The following PALD1 variants were observed in gnomAD, a reference collection of about 807,000 sequenced individuals.
PALD1 encodes the protein phosphatase domain containing paladin 1.
Under a neutral mutation model 96.0 loss-of-function variants are expected in PALD1, and 57 were observed. That is an observed-to-expected ratio of 0.59 (90% CI 0.48 to 0.74). The LOEUF (loss-of-function observed/expected upper bound fraction) is 0.74. Among genes scored for constraint, PALD1 ranks in the 30% least tolerant of loss-of-function variants. The probability of loss-of-function intolerance (pLI) is 0.00; values close to 1 mark genes in which losing one functional copy is unlikely to be tolerated. For missense variants in PALD1, 1,063 were observed against 1,143.7 expected, an observed-to-expected ratio of 0.93 and a Z score of 1.02; for synonymous variants, 464 against 473.6, an observed-to-expected ratio of 0.98 and a Z score of 0.26.
rs1371318557 is a variant in PALD1, at chr10:70,540,690, T to C, written c.1909-412T>C. Among the ~76,000 whole-genome samples, 1 of 152,146 alleles carries C rather than the reference T, an allele frequency of 6.6e-6. No individual in the cohort carries two copies. The highest frequency in any genetic ancestry group is 1.5e-5 in the Non-Finnish European group (1 of 68,018). The stretch of plus-strand genomic sequence containing the variant: ...CTGGTGGCCTTGTGCTGCAGGGCTC[T>C]TCTGAGGTCAGGCCCCCGTCCATGG... On this transcript the variant is annotated intron_variant, in intron 15 of 19. Transcript: ENST00000263563. The surrounding 1 kb of genome is among the most constrained non-coding windows in gnomAD (Gnocchi z 4.2).
At chr10:70,471,008 CG>C in the PALD1 span, among the ~76,000 whole-genome samples, 3 of 151,004 alleles carry the variant, frequency 2.0e-5, no homozygotes, top group Non-Finnish European at 4.4e-5. Flanking sequence ...TTAGTAGAGA[CG>C]GGGTTTCACC....
At chr10:70,488,117 A>C (rs1846041716) in intron 1 of PALD1, among the ~76,000 whole-genome samples, 3 of 118,718 alleles carry the variant, frequency 2.5e-5, no homozygotes, top group Admixed American at 2.0e-4. Flanking sequence ...AATAGTTTAA[A>C]ATTTCTCTCT....
chr10:70,504,221 A>G (rs967838621), intron 1 of PALD1, among the ~76,000 whole-genome samples: 4 of 152,268 alleles, frequency 2.6e-5, no homozygotes, highest in African/African-American at 9.6e-5. Context: ...AAATTGAAAC[A>G]GTATATTTAA....
intron 1 of PALD1, among the ~76,000 whole-genome samples, chr10:70,486,620 G>A (rs922437148): frequency 1.2e-4 from 19 of 152,110 alleles, no homozygotes; most frequent in African/African-American, 4.6e-4. Context: ...AATTAGCCAG[G>A]TGTGGTGGTG....
At chr10:70,463,399 CA>C in the PALD1 span, among the ~76,000 whole-genome samples, 158 of 149,442 alleles carry the variant, frequency 1.1e-3, no homozygotes, top group East Asian at 9.0e-3. Context: ...GACTCCGTCT[CA>C]AAAAAAAAGA....
upstream of PALD1, among the ~76,000 whole-genome samples, chr10:70,478,072 C>T (rs1002025598): frequency 1.3e-5 from 2 of 151,078 alleles, no homozygotes; most frequent in Admixed American, 6.6e-5. Context: ...TGGTGCGGGT[C>T]ACTGCCTGGA....
chr10:70,513,104 A>G (rs997711991), intron 1 of PALD1, among the ~76,000 whole-genome samples: 1 of 152,230 alleles, frequency 6.6e-6, no homozygotes, highest in African/African-American at 2.4e-5. Context: ...TCCATGGAGC[A>G]CTTCTCATAA....
intron 1 of PALD1, among the ~76,000 whole-genome samples, chr10:70,507,484 G>A (rs1248668958): frequency 6.6e-6 from 1 of 152,200 alleles, no homozygotes; most frequent in Non-Finnish European, 1.5e-5. Context: ...GAGTGCAGTG[G>A]TGCGATCACA....
chr10:70,559,683 C>T (rs979454550), intron 18 of PALD1, among the ~76,000 whole-genome samples: 1 of 152,046 alleles, frequency 6.6e-6, no homozygotes, highest in Non-Finnish European at 1.5e-5. Flanking sequence ...GGAGGAGTCC[C>T]GGGTTCTGGC....
chr10:70,548,225 A>G (rs1414100685), intron 18 of PALD1, among the ~76,000 whole-genome samples: 1 of 152,062 alleles, frequency 6.6e-6, no homozygotes, highest in East Asian at 1.9e-4. Flanking sequence ...GAATTGCTTG[A>G]ACCCGGGAGG....
chr10:70,458,810 A>G, the PALD1 span, among the ~76,000 whole-genome samples: 36 of 152,202 alleles, frequency 2.4e-4, no homozygotes, highest in Non-Finnish European at 4.6e-4. Context: ...GCTTCTGTCC[A>G]GTGGCCTCAT....
the PALD1 span, among the ~76,000 whole-genome samples, chr10:70,470,151 G>A: frequency 6.6e-6 from 1 of 152,168 alleles, no homozygotes; most frequent in African/African-American, 2.4e-5. Flanking sequence ...ATGGCAGAAG[G>A]GGTGAATGGT....
intron 12 of PALD1, 90 bp from the exon 13 acceptor site, chr10:70,538,802 C>G (rs1475352241): frequency 1.8e-6 from 2 of 1,082,720 alleles, no homozygotes; most frequent in African/African-American, 3.1e-5. Context: ...GGGTTCCACC[C>G]CACCCCCCGT....
chr10:70,522,536 C>T (rs371254014), intron 1 of PALD1, among the ~76,000 whole-genome samples: 1 of 152,168 alleles, frequency 6.6e-6, no homozygotes, highest in Non-Finnish European at 1.5e-5. Flanking sequence ...TGCAATGTGG[C>T]GTGAAAATGG....
In PALD1 at chr10:70,499,452, G is replaced by A. The variant is rs1021270781; in HGVS notation, c.-30+20393G>A. On this transcript the variant is annotated intron_variant, in intron 1 of 19. Transcript: ENST00000263563. Reference sequence around the variant, plus strand: ...AGTGTCTGCAGGGAGGTGGGCCTCAGAGCCCGCAGTGTGAGGCTGGCAGGG... The same window carrying A: ...AGTGTCTGCAGGGAGGTGGGCCTCAAAGCCCGCAGTGTGAGGCTGGCAGGG... 3.3e-5 allele frequency among the ~76,000 whole-genome samples: 5 copies of A among 152,350 alleles called. No homozygotes were observed. In the East Asian group the frequency reaches 9.6e-4, roughly 29 times the overall value.
At chr10:70,468,134 T>C in the PALD1 span, among the ~76,000 whole-genome samples, 1 of 152,176 alleles carries the variant, frequency 6.6e-6, no homozygotes, top group Non-Finnish European at 1.5e-5. Flanking sequence ...TCCAGAAGCC[T>C]GGTCAGGGGA....
chr10:70,560,210 G>C (rs754820965), intron 18 of PALD1, among the ~76,000 whole-genome samples: 1 of 152,188 alleles, frequency 6.6e-6, no homozygotes, highest in Admixed American at 6.5e-5. Flanking sequence ...TTGGGAGAGT[G>C]GGGGCTTGTC....
At chr10:70,497,659 C>T (rs137889466) in intron 1 of PALD1, among the ~76,000 whole-genome samples, 330 of 152,088 alleles carry the variant, frequency 2.2e-3, no homozygotes, top group African/African-American at 7.4e-3. Context: ...CTCTGCCTCC[C>T]GAGTTCAAGC....
chr10:70,497,341 G>C (rs765234521), intron 1 of PALD1, among the ~76,000 whole-genome samples: 1 of 152,178 alleles, frequency 6.6e-6, no homozygotes, highest in Non-Finnish European at 1.5e-5. Flanking sequence ...CAGCTGCCTC[G>C]CTCAGACCCA....
Sources: allele counts gnomAD v4.1 joint callset (sites outside exome capture counted in the v4.1 genomes callset), GRCh38; gene constraint gnomAD v4.1.1; non-coding constraint Gnocchi (gnomAD v3.1); transcripts MANE v1.5; gene names NCBI Gene and HGNC (gene_info 2026-07-23, HGNC 2026-07-21).